The following PCDH15 variants were observed in gnomAD, a reference collection of about 807,000 sequenced individuals.
PCDH15 encodes the protein protocadherin related 15.
Under a neutral mutation model 178.5 loss-of-function variants are expected in PCDH15, and 129 were observed. That is an observed-to-expected ratio of 0.72 (90% CI 0.63 to 0.84). The LOEUF is 0.84. Among genes scored for constraint, PCDH15 ranks in the 40% least tolerant of loss-of-function variants. The pLI, the probability that PCDH15 is intolerant of heterozygous loss-of-function variation, is 0.00. For missense variants in PCDH15, 2,230 were observed against 2,099.9 expected (o/e 1.06, Z -1.21); for synonymous variants, 800 against 732.0 (o/e 1.09, Z -1.50).
At chr10:54,486,870 A>T (rs1182671106) in intron 3 of PCDH15, among the ~76,000 whole-genome samples, 1 of 151,864 alleles carries the variant, frequency 6.6e-6, no homozygotes, top group African/African-American at 2.4e-5. Context: ...TAATGATTCC[A>T]GTTTAAGCAG....
chr10:54,384,638 G>A (rs186157293), intron 3 of PCDH15, among the ~76,000 whole-genome samples: 12 of 152,160 alleles, frequency 7.9e-5, no homozygotes, highest in African/African-American at 2.9e-4. Flanking sequence ...AATTATTAAA[G>A]ATTGCATATA....
At position 54,343,380 on chromosome 10, in the gene PCDH15, C is replaced by T. The variant is rs938827695; in HGVS notation, c.594+2985G>A. On this transcript the variant is annotated intron_variant, in intron 6 of 37. Coordinates refer to ENST00000644397, the MANE Select transcript of PCDH15 (RefSeq NM_001384140.1). ...GCCATGTAAGATGTTCCTTCCTCCC[C>T]CTTTCCCTTTTGCTGTGATTGTAAG... 1.3e-5 allele frequency among the ~76,000 whole-genome samples: 2 copies of T among 152,104 alleles called. 1 individual carries two copies. The highest frequency in any genetic ancestry group is 4.1e-4 in the South Asian group (2 of 4,824).
chr10:54,806,485 A>ATTT (rs60187846), intron 3 of PCDH15, among the ~76,000 whole-genome samples: 6 of 141,250 alleles, frequency 4.2e-5, no homozygotes, highest in African/African-American at 1.6e-4. Flanking sequence ...TTCTGGCTTG[A>ATTT]TTTTTTTTTT....
chr10:55,092,164 C>T (rs1347608125), intron 2 of PCDH15, among the ~76,000 whole-genome samples: 2 of 151,698 alleles, frequency 1.3e-5, no homozygotes, highest in East Asian at 3.9e-4. Context: ...TTTCCTTGTG[C>T]TAATATTAAC....
chr10:54,452,858 A>AGATGTAGATTTTAT (rs2076566643), intron 3 of PCDH15, among the ~76,000 whole-genome samples: 1 of 152,084 alleles, frequency 6.6e-6, no homozygotes, highest in Non-Finnish European at 1.5e-5. Flanking sequence ...CACCGCATGT[A>AGATGTAGATTTTAT]CACATTTAGA....
At chr10:54,303,853 T>A (rs1336541426) in intron 8 of PCDH15, among the ~76,000 whole-genome samples, 1 of 152,150 alleles carries the variant, frequency 6.6e-6, no homozygotes, top group Non-Finnish European at 1.5e-5. Flanking sequence ...CCCTTTTACA[T>A]AATACTCAAA....
chr10:55,413,330 T>G (rs1287980004), intron 2 of PCDH15, among the ~76,000 whole-genome samples: 2 of 151,698 alleles, frequency 1.3e-5, no homozygotes, highest in Non-Finnish European at 3.0e-5. Context: ...ATGGACTTTA[T>G]GCTGTAGAAA....
At chr10:55,050,851 C>T (rs1252336653) in intron 2 of PCDH15, among the ~76,000 whole-genome samples, 2 of 152,050 alleles carry the variant, frequency 1.3e-5, no homozygotes, top group Non-Finnish European at 2.9e-5. Flanking sequence ...ACTTCTCATA[C>T]TGCAAATTTC....
chr10:53,951,137 T>G (rs2134179335), intron 23 of PCDH15, among the ~76,000 whole-genome samples: 1 of 152,338 alleles, frequency 6.6e-6, no homozygotes, highest in African/African-American at 2.4e-5. Context: ...TGAATAAGAT[T>G]AACACATTTT....
At chr10:54,299,265 CAGAG>C (rs1230206074) in intron 8 of PCDH15, among the ~76,000 whole-genome samples, 1 of 151,032 alleles carries the variant, frequency 6.6e-6, no homozygotes, top group Non-Finnish European at 1.5e-5. Flanking sequence ...GAGGAAGAGA[CAGAG>C]AGACAGAGAG....
chr10:54,316,529 TAC>T (rs35604056), intron 8 of PCDH15, among the ~76,000 whole-genome samples: 3,885 of 132,116 alleles, frequency 0.029, 131 homozygotes, highest in East Asian at 0.2. Flanking sequence ...AATATGTGTA[TAC>T]ACACACACAC....
At chr10:54,309,240 A>G (rs1305324151) in intron 8 of PCDH15, among the ~76,000 whole-genome samples, 1 of 151,926 alleles carries the variant, frequency 6.6e-6, no homozygotes, top group Non-Finnish European at 1.5e-5. Context: ...CTTGATCTAG[A>G]CTGTATAAAA....
intron 37 of PCDH15, chr10:53,808,692 T>C (rs1404189447): frequency 6.2e-7 from 1 of 1,611,742 alleles, no homozygotes. Context: ...GTGATCTCTT[T>C]CAAAGTGCTG....
chr10:55,222,029 G>A (rs1840891769), intron 1 of PCDH15, among the ~76,000 whole-genome samples: 2 of 149,688 alleles, frequency 1.3e-5, no homozygotes, highest in African/African-American at 2.5e-5. Context: ...ACCACACCCG[G>A]CTAATTTTTT....
intron 2 of PCDH15, among the ~76,000 whole-genome samples, chr10:55,565,888 C>G (rs963587207): frequency 2.6e-5 from 4 of 151,572 alleles, no homozygotes; most frequent in Non-Finnish European, 5.9e-5. Context: ...GATGGCATCA[C>G]CAGTGAATTC....
intron 2 of PCDH15, among the ~76,000 whole-genome samples, chr10:55,098,590 A>G (rs546352179): frequency 6.6e-6 from 1 of 152,152 alleles, no homozygotes; most frequent in Non-Finnish European, 1.5e-5. Context: ...TTGCCAAGCC[A>G]CGCTTTCAGT....
chr10:54,194,405 G>A (rs535605142), intron 11 of PCDH15, among the ~76,000 whole-genome samples: 1 of 152,032 alleles, frequency 6.6e-6, no homozygotes, highest in African/African-American at 2.4e-5. Context: ...AGCTGTATAA[G>A]ACTAGTGGCT....
At chr10:55,101,864 T>C (rs1842584255) in intron 2 of PCDH15, among the ~76,000 whole-genome samples, 1 of 151,728 alleles carries the variant, frequency 6.6e-6, no homozygotes, top group Non-Finnish European at 1.5e-5. Flanking sequence ...ATCTATATTT[T>C]TCTTACAACT....
intron 3 of PCDH15, chr10:54,452,452 C>T (rs1401433504): frequency 1.3e-5 from 2 of 152,006 alleles, no homozygotes; most frequent in African/African-American, 4.8e-5. Context: ...ATATTTTGCA[C>T]AGGGGTCCTG....
Sources: allele counts gnomAD v4.1 joint callset (sites outside exome capture counted in the v4.1 genomes callset), GRCh38; gene constraint gnomAD v4.1.1; transcripts MANE v1.5; gene names NCBI Gene and HGNC (gene_info 2026-07-23, HGNC 2026-07-21).